The following BEND5 variants were observed in gnomAD, a reference collection of about 807,000 sequenced individuals.
The protein encoded by BEND5 is BEN domain containing 5, also known as BEN domain-containing protein 5.
BEND5 carries 22 observed loss-of-function variants against 43.9 expected under a neutral mutation model. That is an observed-to-expected ratio of 0.50 (90% CI 0.36 to 0.72). The LOEUF is 0.72. Ranked by LOEUF, BEND5 falls within the 30% of genes least tolerant of loss-of-function variation. BEND5 has a pLI of 0.00. For missense variants in BEND5, 428 were observed against 550.6 expected (o/e 0.78, Z 2.23); for synonymous variants, 228 against 225.9 (o/e 1.01, Z -0.08).
rs13374931 is a variant in BEND5 at position 48,776,417 on chromosome 1, C to T, written c.226+189G>A. 4.5e-3 allele frequency among the ~76,000 whole-genome samples: 685 copies of T among 152,302 alleles called. 3 individuals carry two copies. The highest frequency in any genetic ancestry group is 0.016 in the African/African-American group (647 of 41,576). ...AGCGGGGAAGACAAAGGGGACCATC[C>T]GGTCTTTTTAACTGGCCTGGCCTCT... On this transcript the variant is annotated intron_variant, in intron 1 of 5. Coordinates refer to ENST00000371833, the MANE Select transcript of BEND5 (RefSeq NM_024603.4).
At chr1:48,767,358 C>T (rs1408121800) in intron 1 of BEND5, among the ~76,000 whole-genome samples, 1 of 152,224 alleles carries the variant, frequency 6.6e-6, no homozygotes, top group Non-Finnish European at 1.5e-5. Context: ...TTAGGCTACC[C>T]TTGTGTATTA....
intron 3 of BEND5, among the ~76,000 whole-genome samples, chr1:48,756,359 G>T (rs1428289154): frequency 1.3e-5 from 2 of 152,178 alleles, no homozygotes; most frequent in Non-Finnish European, 2.9e-5. Context: ...TTGTCCCTAT[G>T]ATGGCATTTA....
chr1:48,740,595 G>C (rs1649764957), intron 4 of BEND5, among the ~76,000 whole-genome samples: 2 of 152,166 alleles, frequency 1.3e-5, no homozygotes, highest in Non-Finnish European at 2.9e-5. Flanking sequence ...ATGTGTCAAA[G>C]GAGGTTATTA....
intron 3 of BEND5, among the ~76,000 whole-genome samples, chr1:48,754,204 A>T (rs1043259635): frequency 4.6e-5 from 7 of 152,170 alleles, no homozygotes; most frequent in African/African-American, 7.2e-5. Context: ...CTGAGGAGAA[A>T]CCAAGAGAGA....
At chr1:48,741,657 A>G (rs1649928843) in intron 4 of BEND5, among the ~76,000 whole-genome samples, 1 of 152,282 alleles carries the variant, frequency 6.6e-6, no homozygotes, top group Non-Finnish European at 1.5e-5. Flanking sequence ...TTGCAGAGAC[A>G]TATCTGGACA....
chr1:48,766,307 T>A (rs1203436940), intron 1 of BEND5, among the ~76,000 whole-genome samples: 1 of 152,228 alleles, frequency 6.6e-6, no homozygotes, highest in African/African-American at 2.4e-5. Context: ...CAAGATGTGC[T>A]ATAGATCTAT....
chr1:48,774,473 CT>C (rs1347172344), intron 1 of BEND5, among the ~76,000 whole-genome samples: 1 of 152,126 alleles, frequency 6.6e-6, no homozygotes, highest in East Asian at 1.9e-4. Context: ...AAGTTGTTGT[CT>C]TTTTTTCCCC....
intron 1 of BEND5, among the ~76,000 whole-genome samples, chr1:48,771,010 C>G (rs967633297): frequency 6.6e-6 from 1 of 152,112 alleles, no homozygotes; most frequent in Admixed American, 6.5e-5. Context: ...TTGGGTAAAA[C>G]AAAAATCTCT....
intron 4 of BEND5, among the ~76,000 whole-genome samples, chr1:48,742,217 C>T (rs1432371868): frequency 6.6e-6 from 1 of 152,122 alleles, no homozygotes; most frequent in Non-Finnish European, 1.5e-5. Flanking sequence ...TGAACACAAA[C>T]TGAGTTGTTA....
At chr1:48,770,971 T>C (rs1230129419) in intron 1 of BEND5, among the ~76,000 whole-genome samples, 1 of 152,240 alleles carries the variant, frequency 6.6e-6, no homozygotes, top group African/African-American at 2.4e-5. Context: ...CAGTGTTCAC[T>C]AAACAACTGT....
intron 1 of BEND5, among the ~76,000 whole-genome samples, chr1:48,773,801 T>C (rs1345242237): frequency 1.3e-5 from 2 of 152,212 alleles, no homozygotes; most frequent in Non-Finnish European, 2.9e-5. Flanking sequence ...TGTCCTCATC[T>C]ATGAAATGGA....
At chr1:48,741,142 T>C (rs1336702702) in intron 4 of BEND5, among the ~76,000 whole-genome samples, 1 of 152,212 alleles carries the variant, frequency 6.6e-6, no homozygotes, top group Non-Finnish European at 1.5e-5. Context: ...TGGAAGCTAC[T>C]TTAAGAAAAA....
Position 48,770,105 on chromosome 1 carries a change from T to C in BEND5, c.226+6501A>G, listed in dbSNP as rs541854955. ...TTGTCTGCTCTCTCTGCTGTTATAT[T>C]GCTCCCACCAATGCCTGTGAATTCC... On this transcript the variant is annotated intron_variant, in intron 1 of 5. Transcript: ENST00000371833. Among the ~76,000 whole-genome samples, 5 of 152,306 alleles carry C rather than the reference T, an allele frequency of 3.3e-5. No individual in the cohort carries two copies. In the South Asian group the frequency reaches 8.3e-4, roughly 25 times the overall value.
chr1:48,775,349 C>A (rs1239453271), intron 1 of BEND5, among the ~76,000 whole-genome samples: 1 of 152,118 alleles, frequency 6.6e-6, no homozygotes, highest in Non-Finnish European at 1.5e-5. Context: ...AGCTAACTTG[C>A]CATGAGACCC....
rs2148583652 is a variant in BEND5, at chr1:48,738,419, G to A, written c.895-1967C>T. 1.3e-5 allele frequency among the ~76,000 whole-genome samples: 2 copies of A among 152,338 alleles called. 1 individual carries two copies. Among genetic ancestry groups the A allele is most frequent in the Middle Eastern group, 6.8e-3 (2 of 294 alleles). ...GAGTGAGATGTACTACCTGGCTGCT[G>A]GCTAGGCAACACGGACACCAAGGTC... is the stretch of plus-strand genomic sequence containing the variant. On this transcript the variant is annotated intron_variant, in intron 4 of 5. Transcript: ENST00000371833.
intron 3 of BEND5, among the ~76,000 whole-genome samples, chr1:48,750,699 G>A (rs11586980): frequency 0.18 from 27,917 of 152,188 alleles, 3,046 homozygotes; most frequent in Middle Eastern, 0.32. Flanking sequence ...ATTTCCCTAC[G>A]GTCAGAGCTA....
chr1:48,730,404 A>G (rs1015985669), intron 5 of BEND5, among the ~76,000 whole-genome samples: 1 of 151,992 alleles, frequency 6.6e-6, no homozygotes, highest in African/African-American at 2.4e-5. Context: ...ACTATCTACG[A>G]AAGTAGCATT....
At chr1:48,748,709 G>C (rs934713927) in intron 3 of BEND5, among the ~76,000 whole-genome samples, 1 of 152,110 alleles carries the variant, frequency 6.6e-6, no homozygotes, top group Admixed American at 6.5e-5. Flanking sequence ...GCATGAATTT[G>C]GGGAGGGGGA....
At position 48,759,158 on chromosome 1, in the gene BEND5, C is replaced by A. The variant is rs540778259; in HGVS notation, c.487G>T (p.Ala163Ser). Residue 163 changes from alanine to serine, a missense_variant, in exon 3 of 6, where the codon GCC becomes TCC. Ala to Ser is a moderately conservative substitution (Grantham distance 99, BLOSUM62 1). This residue lies in a region of BEND5 where 243 missense variants were observed against 286.4 expected (regional missense o/e 0.85). Coordinates refer to ENST00000371833, the MANE Select transcript of BEND5 (RefSeq NM_024603.4). ...STCPEEVFVE[A>S]SPGTEDMDSL... Reference sequence around the variant, plus strand: ...TCCATGTCCTCTGTGCCTGGCGAGGCCTCCACGAAGACCTCTTCCGGACAC... The same window carrying A: ...TCCATGTCCTCTGTGCCTGGCGAGGACTCCACGAAGACCTCTTCCGGACAC... 4 of 1,614,172 alleles carry A rather than the reference C, an allele frequency of 2.5e-6. No individual in the cohort carries two copies. The highest frequency in any genetic ancestry group is 3.4e-6 in the Non-Finnish European group (4 of 1,180,004).
Sources: gnomAD v4.1 joint callset for allele counts (sites outside exome capture counted in the v4.1 genomes callset) on GRCh38, gnomAD v4.1.1 for gene constraint, gnomAD v4.1.1 regional missense constraint, MANE v1.5 for transcripts, NCBI Gene and HGNC (gene_info 2026-07-23, HGNC 2026-07-21) for gene names.